FBXL17: variants seen among roughly 807,000 people sequenced by gnomAD.
The protein encoded by FBXL17 is F-box/LRR-repeat protein 17.
A neutral mutation model predicts 66.2 loss-of-function variants in FBXL17; 22 were observed. That is an observed-to-expected ratio of 0.33 (90% CI 0.24 to 0.47). The LOEUF is 0.47. Ranked by LOEUF, FBXL17 falls within the 20% of genes least tolerant of loss-of-function variation. The pLI is 1.00. For missense variants in FBXL17, 878 were observed against 948.2 expected (o/e 0.93, Z 0.97); for synonymous variants, 474 against 400.5 (o/e 1.18, Z -2.19).
At chr5:107,878,886 C>A (rs1001268721) in intron 8 of FBXL17, 7 of 985,390 alleles carry the variant, frequency 7.1e-6, no homozygotes, top group Non-Finnish European at 8.4e-6. Flanking sequence ...GCAGCAGGCT[C>A]TGACCAGACG....
chr5:108,106,137 A>G (rs1302899999), intron 6 of FBXL17, among the ~76,000 whole-genome samples: 1 of 152,176 alleles, frequency 6.6e-6, no homozygotes, highest in Admixed American at 6.5e-5. Flanking sequence ...ACCATACCAG[A>G]GGTACCATCT....
At chr5:108,129,782 T>TA (rs140931954) in intron 6 of FBXL17, among the ~76,000 whole-genome samples, 23,869 of 151,560 alleles carry the variant, frequency 0.16, 1,947 homozygotes, top group Admixed American at 0.18. Flanking sequence ...TCAAAATAAA[T>TA]AAAAAAAATT....
intron 6 of FBXL17, among the ~76,000 whole-genome samples, chr5:108,058,400 CCTTCTTTCTTTCTCTTTCTTT>C (rs70996979): frequency 0.57 from 85,548 of 151,170 alleles, 24,334 homozygotes; most frequent in Admixed American, 0.63. Context: ...TTCTTTCTTT[CCTTCTTTCTTTCTCTTTCTTT>C]CTTCTTTCTT....
At chr5:108,150,671 T>A (rs910197524) in intron 6 of FBXL17, among the ~76,000 whole-genome samples, 2 of 152,232 alleles carry the variant, frequency 1.3e-5, no homozygotes, top group African/African-American at 2.4e-5. Context: ...TCTTGATTTG[T>A]CTGATTGCTT....
At chr5:107,971,191 T>C (rs543983358) in intron 7 of FBXL17, among the ~76,000 whole-genome samples, 2 of 152,180 alleles carry the variant, frequency 1.3e-5, no homozygotes, top group Non-Finnish European at 2.9e-5. Flanking sequence ...CAGGCAGAAC[T>C]GGGCTGGGGA....
At chr5:107,971,401 A>C (rs1335329783) in intron 7 of FBXL17, among the ~76,000 whole-genome samples, 1 of 152,186 alleles carries the variant, frequency 6.6e-6, no homozygotes, top group African/African-American at 2.4e-5. Context: ...TTCAAGGCGC[A>C]CTGCCACATT....
chr5:107,924,298 T>C (rs1386031394), intron 7 of FBXL17, among the ~76,000 whole-genome samples: 1 of 152,100 alleles, frequency 6.6e-6, no homozygotes, highest in African/African-American at 2.4e-5. Context: ...TTGTCTGCAT[T>C]AATGTGGTTT....
intron 4 of FBXL17, among the ~76,000 whole-genome samples, chr5:108,344,914 C>G (rs1293451779): frequency 6.6e-6 from 1 of 152,216 alleles, no homozygotes; most frequent in Non-Finnish European, 1.5e-5. Flanking sequence ...CTATACTCCT[C>G]AAATCTATGT....
At chr5:107,932,517 T>C (rs370604429) in intron 7 of FBXL17, among the ~76,000 whole-genome samples, 12 of 152,182 alleles carry the variant, frequency 7.9e-5, no homozygotes, top group Admixed American at 3.3e-4. Context: ...TGAAATAAAG[T>C]GCTGACCATT....
intron 5 of FBXL17, among the ~76,000 whole-genome samples, chr5:108,215,048 T>C (rs768243928): frequency 6.6e-6 from 1 of 152,220 alleles, no homozygotes; most frequent in Admixed American, 6.5e-5. Context: ...AACATCATTC[T>C]TTTTCATGGC....
intron 6 of FBXL17, among the ~76,000 whole-genome samples, chr5:108,098,809 A>T (rs557038870): frequency 2.2e-4 from 33 of 152,278 alleles, no homozygotes; most frequent in South Asian, 8.3e-4. Context: ...GCTGAAAAAA[A>T]ATATATACTT....
intron 4 of FBXL17, among the ~76,000 whole-genome samples, chr5:108,290,457 C>T (rs1758066072): frequency 6.6e-6 from 1 of 152,124 alleles, no homozygotes; most frequent in African/African-American, 2.4e-5. Context: ...TAAGATTAAT[C>T]AGCTTTAGTG....
At chr5:108,128,170 T>A (rs1231159457) in intron 6 of FBXL17, among the ~76,000 whole-genome samples, 4 of 151,494 alleles carry the variant, frequency 2.6e-5, no homozygotes, top group Non-Finnish European at 4.4e-5. Flanking sequence ...AGCTTGAACA[T>A]GCGAGGCAGA....
intron 6 of FBXL17, among the ~76,000 whole-genome samples, chr5:108,048,493 T>C (rs1747344865): frequency 6.6e-6 from 1 of 151,904 alleles, no homozygotes; most frequent in Middle Eastern, 3.2e-3. Context: ...AGAAGATGGG[T>C]AATAAAAAAC....
At chr5:108,008,443 C>T (rs1189264596) in intron 7 of FBXL17, among the ~76,000 whole-genome samples, 1 of 152,150 alleles carries the variant, frequency 6.6e-6, no homozygotes, top group African/African-American at 2.4e-5. Context: ...TTTGCCTCAA[C>T]ATAAAATAGG....
intron 4 of FBXL17, among the ~76,000 whole-genome samples, chr5:108,258,464 G>GT (rs1253519925): frequency 6.6e-6 from 1 of 152,012 alleles, no homozygotes; most frequent in East Asian, 1.9e-4. Flanking sequence ...ATATGTTGGG[G>GT]TAAAAAAACA....
At chr5:108,083,818 A>G (rs1403017076) in intron 6 of FBXL17, among the ~76,000 whole-genome samples, 1 of 152,196 alleles carries the variant, frequency 6.6e-6, no homozygotes, top group Non-Finnish European at 1.5e-5. Flanking sequence ...ATGGCATAAC[A>G]GCAACAAAAC....
intron 6 of FBXL17, among the ~76,000 whole-genome samples, chr5:108,028,798 TA>T (rs1754923621): frequency 6.6e-6 from 1 of 152,080 alleles, no homozygotes; most frequent in African/African-American, 2.4e-5. Flanking sequence ...ACACAGGAGG[TA>T]AAGATAATTT....
At chr5:107,884,725 ATTTAACT>A (rs1359425737) in intron 7 of FBXL17, among the ~76,000 whole-genome samples, 9 of 152,208 alleles carry the variant, frequency 5.9e-5, no homozygotes, top group African/African-American at 2.2e-4. Context: ...TCGGGATCAC[ATTTAACT>A]TTTCTGAGTC....
Sources: gnomAD v4.1 joint callset for allele counts (sites outside exome capture counted in the v4.1 genomes callset) on GRCh38, gnomAD v4.1.1 for gene constraint, MANE v1.5 for transcripts, NCBI Gene and HGNC (gene_info 2026-07-23, HGNC 2026-07-21) for gene names.